Variants in RPE65 observed in about 807,000 individuals in gnomAD.
RPE65 encodes the protein retinoid isomerohydrolase.
In RPE65, 58 loss-of-function variants were observed where a neutral mutation model predicts 68.5. The ratio of observed to expected loss-of-function variants is 0.85; its 90% CI spans 0.69 to 1.05. The LOEUF is 1.05. Ranked by LOEUF, RPE65 falls within the 50% of genes least tolerant of loss-of-function variation. The pLI is 0.00. For synonymous variants in RPE65, 220 were observed against 222.2 expected, an observed-to-expected ratio of 0.99 and a Z score of 0.09; for missense variants, 643 against 629.9, an observed-to-expected ratio of 1.02 and a Z score of -0.22.
chr1:68,429,302 C>T lies in RPE65; in HGVS notation c.*474G>A, dbSNP rs1645803506. On this transcript the variant is annotated 3_prime_UTR_variant, in exon 14 of 14. Coordinates refer to ENST00000262340, the MANE Select transcript of RPE65 (RefSeq NM_000329.3). The stretch of plus-strand genomic sequence containing the variant: ...ACTGTAATTAATCTTAGATGATAGT[C>T]CCTGGTTTGAGAAAAAGTTTGGTTT... 6.1e-6 allele frequency: 1 copy of T among 163,114 alleles called. No homozygotes were observed. The highest frequency in any genetic ancestry group is 1.3e-5 in the Non-Finnish European group (1 of 74,990). The allele number at this position is 163,114 out of a possible 1,614,324, so 10.1% of individuals were successfully genotyped here. A position where few individuals can be genotyped will look rare whatever the true frequency, so the allele number is the denominator to read the frequency against.
Position 68,448,614 on chromosome 1 carries a change from C to A in RPE65, c.94+10G>T, listed in dbSNP as rs777879312. 6.2e-7 allele frequency: 1 copy of A among 1,613,368 alleles called. No individual in the cohort carries two copies. The highest frequency in any genetic ancestry group is 8.5e-7 in the Non-Finnish European group (1 of 1,179,602). On this transcript the variant is annotated intron_variant, in intron 2 of 13. Transcript: ENST00000262340. ...TAAAAGAGGATGGCTTCAAGATGGG[C>A]GAGACCAACCTGTTACATGAGCTGT...
At position 68,429,342 on chromosome 1, in the gene RPE65, A is replaced by C. The variant is rs902718018; in HGVS notation, c.*434T>G. On this transcript the variant is annotated 3_prime_UTR_variant, in exon 14 of 14. Coordinates refer to ENST00000262340, the MANE Select transcript of RPE65 (RefSeq NM_000329.3). ...AAGTTTGGTTTGACATTTAGTAATT[A>C]AGCCTTATTGCATGATACTTCCTTG... 2 of 171,540 alleles carry C rather than the reference A, an allele frequency of 1.2e-5. No individual in the cohort carries two copies. The highest frequency in any genetic ancestry group is 5.8e-5 in the Admixed American group (1 of 17,296). The allele number at this position is 171,540 out of a possible 1,614,324, so 10.6% of individuals were successfully genotyped here. A position where few individuals can be genotyped will look rare whatever the true frequency, so the allele number is the denominator to read the frequency against.
Position 68,429,716 on chromosome 1 carries a change from G to A in RPE65, c.*60C>T. 1 of 1,604,256 alleles carries A rather than the reference G, an allele frequency of 6.2e-7. No homozygotes were observed. Among genetic ancestry groups the A allele is most frequent in the Non-Finnish European group, 8.5e-7 (1 of 1,172,742 alleles). ...GGCTAAAATTGAACAGAATTTGATT[G>A]CAGACCTGAAGCTGATTTTCTCAGT... On this transcript the variant is annotated 3_prime_UTR_variant, in exon 14 of 14. Transcript: ENST00000262340.
In RPE65 at chr1:68,431,462, T is replaced by C; in HGVS notation, c.1243+9A>G. 3 of 1,613,546 alleles carry C rather than the reference T, an allele frequency of 1.9e-6. No individual in the cohort carries two copies. Among genetic ancestry groups the C allele is most frequent in the Non-Finnish European group, 2.5e-6 (3 of 1,179,570 alleles). On this transcript the variant is annotated intron_variant, in intron 11 of 13. Transcript: ENST00000262340. ...ACTCCCGTGTGAAGTTTTCTCTAGA[T>C]CATCTCACCTTGACGAGGCCCTGAA... is the stretch of plus-strand genomic sequence containing the variant.
At chr1:68,439,365 T>C (rs1422787928) in intron 7 of RPE65, 42 bp from the exon 8 acceptor site, 1 of 1,610,734 alleles carries the variant, frequency 6.2e-7, no homozygotes, top group Admixed American at 1.7e-5. Flanking sequence ...AAAGGGCTGA[T>C]TCTCAAGCCA....
intron 6 of RPE65, among the ~76,000 whole-genome samples, chr1:68,440,563 T>A (rs1645894921): frequency 6.6e-6 from 1 of 152,192 alleles, no homozygotes; most frequent in South Asian, 2.1e-4. Context: ...TAAGTTTGAA[T>A]CCTAATTGTA....
Position 68,446,644 on chromosome 1 carries a change from C to T in RPE65, c.245+66G>A, listed in dbSNP as rs560016642. The T allele has an allele frequency of 5.0e-5, 81 of 1,605,838 alleles. 1 individual carries two copies. In the South Asian group the frequency reaches 8.6e-4, roughly 17 times the overall value. Reference sequence around the variant, plus strand: ...TCCTGAGTTCAGAGGTGAAAACTCACATGGGAGGAGGAGCCAAGCTAGGCC... The same window carrying T: ...TCCTGAGTTCAGAGGTGAAAACTCATATGGGAGGAGGAGCCAAGCTAGGCC... On this transcript the variant is annotated intron_variant, in intron 3 of 13. Transcript: ENST00000262340.
chr1:68,446,590 G>T, intron 3 of RPE65, 120 bp downstream of exon 3: 1 of 1,135,164 alleles, frequency 8.8e-7, no homozygotes, highest in Non-Finnish European at 1.3e-6. Context: ...CAGGTACATT[G>T]TGAGAAGAAA....
At chr1:68,445,854 G>A (rs539253801) in intron 3 of RPE65, among the ~76,000 whole-genome samples, 6 of 151,946 alleles carry the variant, frequency 3.9e-5, no homozygotes, top group Admixed American at 6.6e-5. Context: ...CTGCTCTGTC[G>A]AAGGTATAGG....
Position 68,431,178 on chromosome 1 carries a change from T to C in RPE65, c.1339-2A>G, listed in dbSNP as rs1645823354. The stretch of plus-strand genomic sequence containing the variant: ...AGTTTTGACATTCAGCTTACAGAGC[T>C]GTTTGTGAGAAAGAAAAATCAATCA... On this transcript the variant is annotated splice_acceptor_variant, in intron 12 of 13. Transcript: ENST00000262340. LOFTEE classifies it high-confidence loss of function. The C allele has an allele frequency of 1.9e-6, 3 of 1,613,628 alleles. No individual in the cohort carries two copies. The highest frequency in any genetic ancestry group is 2.7e-5 in the African/African-American group (2 of 75,016).
rs1176748800 is a variant in RPE65, at chr1:68,444,539, T to C, written c.487A>G (p.Ile163Val). 3 of 1,614,060 alleles carry C rather than the reference T, an allele frequency of 1.9e-6. No homozygotes were observed. The highest frequency in any genetic ancestry group is 1.1e-5 in the South Asian group (1 of 91,090). ...TKINPETLET[I>V]KQVDLCNYVS... The stretch of plus-strand genomic sequence containing the variant: ...CTAGCACTGTGTCCCACCTGCTTAA[T>C]TGTCTCCAAGGTCTCTGGATTAATC... Residue 163 changes from isoleucine (I) to valine (V), a missense_variant, in exon 5 of 14, where the codon ATT (isoleucine) becomes GTT (valine). Transcript: ENST00000262340.
At chr1:68,449,855 C>A (rs759837786) in intron 1 of RPE65, 40 bp downstream of exon 1, 3 of 1,607,052 alleles carry the variant, frequency 1.9e-6, no homozygotes, top group East Asian at 4.5e-5. Flanking sequence ...TATCATGAAT[C>A]CATGAAGGTG....
At chr1:68,436,907 T>C (rs1645866950) in intron 10 of RPE65, among the ~76,000 whole-genome samples, 1 of 152,208 alleles carries the variant, frequency 6.6e-6, no homozygotes, top group South Asian at 2.1e-4. Flanking sequence ...CAACTGCTGT[T>C]GATTTTGCTG....
chr1:68,439,499 T>C, intron 7 of RPE65, 62 bp downstream of exon 7: 2 of 1,579,146 alleles, frequency 1.3e-6, no homozygotes, highest in Non-Finnish European at 1.7e-6. Flanking sequence ...GTATCAAAGG[T>C]AGGCAAAGCA....
At chr1:68,444,402 C>A (rs145012871) in intron 5 of RPE65, 129 bp downstream of exon 5, 471 of 1,218,808 alleles carry the variant, frequency 3.9e-4, no homozygotes, top group Non-Finnish European at 5.3e-4. Flanking sequence ...CCATTTGGAG[C>A]TTGGAATGGT....
intron 10 of RPE65, among the ~76,000 whole-genome samples, chr1:68,435,906 T>A (rs1645859618): frequency 1.3e-5 from 2 of 152,218 alleles, no homozygotes; most frequent in African/African-American, 4.8e-5. Context: ...GTATTTTATG[T>A]ACCCACTGCA....
At chr1:68,445,979 C>T (rs1164161863) in intron 3 of RPE65, among the ~76,000 whole-genome samples, 1 of 151,842 alleles carries the variant, frequency 6.6e-6, no homozygotes, top group African/African-American at 2.4e-5. Context: ...TTCACTTTTT[C>T]TTTACAGGTC....
At chr1:68,445,937 TATC>T (rs1448195736) in intron 3 of RPE65, among the ~76,000 whole-genome samples, 6 of 151,968 alleles carry the variant, frequency 3.9e-5, no homozygotes, top group Non-Finnish European at 8.8e-5. Context: ...TCTCTTCTAT[TATC>T]ATGCAAGTTG....
rs199683808 is a variant in RPE65, at chr1:68,448,644, G to C, written c.74C>G (p.Pro25Arg). 6.2e-7 allele frequency: 1 copy of C among 1,613,732 alleles called. No homozygotes were observed. Among genetic ancestry groups the C allele is most frequent in the Admixed American group, 1.7e-5 (1 of 59,958 alleles). ...CCAACCTGTTACATGAGCTGTGAGC[G>C]GCGAGGACAGTTCCTCCACAGTTTC... The part of the protein sequence containing the change: ...LFETVEELSS[P>R]LTAHVTGRIP... Residue 25 changes from proline to arginine, a missense_variant, in exon 2 of 14, where the codon CCG becomes CGG. Transcript: ENST00000262340.
Sources: allele counts gnomAD v4.1 joint callset (sites outside exome capture counted in the v4.1 genomes callset), GRCh38; gene constraint gnomAD v4.1.1; transcripts MANE v1.5; gene names NCBI Gene and HGNC (gene_info 2026-07-23, HGNC 2026-07-21).